The following FRMD3 variants were observed in gnomAD, a reference collection of about 807,000 sequenced individuals.
FRMD3 encodes the protein FERM domain-containing protein 3.
In FRMD3, 33 loss-of-function variants were observed where a neutral mutation model predicts 70.2. That is an observed-to-expected ratio of 0.47 (90% CI 0.36 to 0.63). The LOEUF is 0.63. Ranked by LOEUF, FRMD3 falls within the 20% of genes least tolerant of loss-of-function variation. The pLI is 0.00. For synonymous variants in FRMD3, 279 were observed against 255.9 expected (o/e 1.09, Z -0.86); for missense variants, 632 against 711.4 (o/e 0.89, Z 1.27).
At chr9:83,317,234 G>A (rs1251508488) in intron 6 of FRMD3, among the ~76,000 whole-genome samples, 1 of 143,194 alleles carries the variant, frequency 7.0e-6, no homozygotes, top group African/African-American at 2.7e-5. Flanking sequence ...ACACTCATTT[G>A]TATACTCATC....
chr9:83,266,103 T>C (rs1159493772), intron 13 of FRMD3, among the ~76,000 whole-genome samples: 1 of 151,990 alleles, frequency 6.6e-6, no homozygotes, highest in Non-Finnish European at 1.5e-5. Flanking sequence ...GAAAACTAAT[T>C]CTGCAATAAT....
chr9:83,470,047 G>A (rs1358466664), intron 1 of FRMD3, among the ~76,000 whole-genome samples: 2 of 152,206 alleles, frequency 1.3e-5, no homozygotes, highest in Non-Finnish European at 2.9e-5. Context: ...CTGGCTGAGA[G>A]GAGCTATGAA....
chr9:83,307,938 G>C (rs1835199300), intron 10 of FRMD3, among the ~76,000 whole-genome samples: 1 of 152,154 alleles, frequency 6.6e-6, no homozygotes, highest in South Asian at 2.1e-4. Flanking sequence ...AAGGCTTCTA[G>C]ACATGTAGAT....
intron 4 of FRMD3, among the ~76,000 whole-genome samples, chr9:83,349,145 G>A (rs1422373091): frequency 6.6e-6 from 1 of 152,164 alleles, no homozygotes; most frequent in African/African-American, 2.4e-5. Flanking sequence ...CGCTGAAGCT[G>A]TAGCCCCAAC....
intron 5 of FRMD3, among the ~76,000 whole-genome samples, chr9:83,341,647 C>T (rs1340733128): frequency 3.3e-5 from 5 of 152,116 alleles, no homozygotes; most frequent in Non-Finnish European, 5.9e-5. Flanking sequence ...ACATTCTCTA[C>T]TTCAGTGTCG....
At chr9:83,414,788 C>T (rs1296596178) in intron 1 of FRMD3, among the ~76,000 whole-genome samples, 1 of 152,186 alleles carries the variant, frequency 6.6e-6, no homozygotes, top group African/African-American at 2.4e-5. Context: ...AGTTCTGTAT[C>T]TTCATGCCTC....
chr9:83,340,796 A>G (rs1356269190), intron 5 of FRMD3, among the ~76,000 whole-genome samples: 1 of 152,152 alleles, frequency 6.6e-6, no homozygotes, highest in Non-Finnish European at 1.5e-5. Flanking sequence ...GGTCTTGTCT[A>G]TGTTGCCCAG....
chr9:83,333,773 A>T (rs560728159), intron 6 of FRMD3, among the ~76,000 whole-genome samples: 1 of 152,174 alleles, frequency 6.6e-6, no homozygotes, highest in Non-Finnish European at 1.5e-5. Flanking sequence ...GGAGAAGAGC[A>T]TGGGCATACC....
At chr9:83,306,329 T>G (rs576274275) in intron 10 of FRMD3, among the ~76,000 whole-genome samples, 1 of 152,326 alleles carries the variant, frequency 6.6e-6, no homozygotes, top group East Asian at 1.9e-4. Context: ...CCACACCTAC[T>G]GCACCTCTGT....
the FRMD3 span, among the ~76,000 whole-genome samples, chr9:83,544,204 G>GATAGAAA: frequency 6.6e-6 from 1 of 152,224 alleles, no homozygotes; most frequent in African/African-American, 2.4e-5. Context: ...CTACATTGAA[G>GATAGAAA]TGTCTGTCGA....
chr9:83,541,664 T>C (rs568298559), upstream of FRMD3, among the ~76,000 whole-genome samples: 1 of 152,344 alleles, frequency 6.6e-6, no homozygotes, highest in African/African-American at 2.4e-5. Flanking sequence ...GATGAGAGCC[T>C]GGGCTGGCAG....
chr9:83,535,117 T>TTA, intron 1 of FRMD3, among the ~76,000 whole-genome samples: 1 of 152,218 alleles, frequency 6.6e-6, no homozygotes, highest in Non-Finnish European at 1.5e-5. Context: ...TATTAGCTTC[T>TTA]CAGTTTTCTT....
intron 1 of FRMD3, among the ~76,000 whole-genome samples, chr9:83,448,819 A>T (rs1376283809): frequency 6.6e-6 from 1 of 152,192 alleles, no homozygotes; most frequent in East Asian, 1.9e-4. Flanking sequence ...AGCAGTGACC[A>T]ACAGTTACCT....
chr9:83,289,664 C>G (rs1834342715), intron 13 of FRMD3, among the ~76,000 whole-genome samples: 1 of 152,206 alleles, frequency 6.6e-6, no homozygotes, highest in Non-Finnish European at 1.5e-5. Flanking sequence ...ACAGAGTGAT[C>G]TGCCCTCTTG....
At chr9:83,342,719 GATAGA>G (rs746129284) in intron 5 of FRMD3, among the ~76,000 whole-genome samples, 16 of 147,964 alleles carry the variant, frequency 1.1e-4, no homozygotes, top group Non-Finnish European at 2.0e-4. Flanking sequence ...TAGATAGATA[GATAGA>G]TAGATAGATA....
chr9:83,259,421 T>A (rs1832884137), intron 13 of FRMD3, among the ~76,000 whole-genome samples: 1 of 152,154 alleles, frequency 6.6e-6, no homozygotes, highest in South Asian at 2.1e-4. Context: ...ATGGCACATG[T>A]CACCACCCTG....
intron 5 of FRMD3, among the ~76,000 whole-genome samples, chr9:83,338,934 C>T (rs1411681665): frequency 6.6e-6 from 1 of 152,130 alleles, no homozygotes; most frequent in African/African-American, 2.4e-5. Flanking sequence ...GAGCTAGCTA[C>T]AGGCATTAAT....
At chr9:83,523,316 T>C (rs930590417) in intron 1 of FRMD3, among the ~76,000 whole-genome samples, 3 of 152,160 alleles carry the variant, frequency 2.0e-5, no homozygotes, top group Non-Finnish European at 4.4e-5. Flanking sequence ...GATAGTTAGA[T>C]GGATGAATAG....
rs181786973 is a variant in FRMD3 at position 83,371,876 on chromosome 9, A to G, written c.295+1037T>C. Among the ~76,000 whole-genome samples, 124 of 152,354 alleles carry G rather than the reference A, an allele frequency of 8.1e-4. 1 individual carries two copies. The highest frequency in any genetic ancestry group is 3.4e-3 in the Middle Eastern group (1 of 294). On this transcript the variant is annotated intron_variant, in intron 3 of 13. Coordinates refer to ENST00000304195, the MANE Select transcript of FRMD3 (RefSeq NM_174938.6). ...TGGGAAGGGAGGAAGAGAGGGAGAA[A>G]GGGACAGGGAGGCAGGGAAAAAGAA...
Sources: gnomAD v4.1 joint callset for allele counts (sites outside exome capture counted in the v4.1 genomes callset) on GRCh38, gnomAD v4.1.1 for gene constraint, MANE v1.5 for transcripts, NCBI Gene and HGNC (gene_info 2026-07-23, HGNC 2026-07-21) for gene names.